Variants in QTGAL observed in about 807,000 individuals in gnomAD.
QTGAL encodes the protein queuosine-tRNA galactosyltransferase, also known as BGnT-like protein 1.
At chr17:83,050,109 G>A in the QTGAL span, among the ~76,000 whole-genome samples, 6 of 152,160 alleles carry the variant, frequency 3.9e-5, no homozygotes, top group African/African-American at 9.7e-5. Flanking sequence ...GGTAGCTCAC[G>A]CCTGTAATCA....
At chr17:83,021,791 T>A in the QTGAL span, among the ~76,000 whole-genome samples, 1 of 152,250 alleles carries the variant, frequency 6.6e-6, no homozygotes, top group Non-Finnish European at 1.5e-5. Flanking sequence ...GCTTTATTAC[T>A]GCAGCTGCTA....
the QTGAL span, among the ~76,000 whole-genome samples, chr17:83,033,542 G>C: frequency 2.0e-5 from 3 of 151,334 alleles, no homozygotes; most frequent in Non-Finnish European, 4.4e-5. Flanking sequence ...CGTGATCTCG[G>C]CTCACTGCAA....
chr17:82,954,319 C>G, the QTGAL span, among the ~76,000 whole-genome samples: 7 of 152,038 alleles, frequency 4.6e-5, no homozygotes, highest in Non-Finnish European at 8.8e-5. Context: ...AATCGATGTG[C>G]AAAAATCACG....
At chr17:82,946,900 C>T in the QTGAL span, 1 of 1,561,780 alleles carries the variant, frequency 6.4e-7, no homozygotes, top group Non-Finnish European at 8.7e-7. Context: ...TGCCATGGGT[C>T]CGTCAGCTGA....
the QTGAL span, chr17:83,035,122 A>T: frequency 6.3e-7 from 1 of 1,593,202 alleles, no homozygotes; most frequent in East Asian, 2.2e-5. Flanking sequence ...GAAGAGCAAA[A>T]CTCTTTTATA....
chr17:83,022,335 A>G, the QTGAL span, among the ~76,000 whole-genome samples: 2 of 132,546 alleles, frequency 1.5e-5, no homozygotes, highest in African/African-American at 5.7e-5. Flanking sequence ...TCCCCGGCCC[A>G]CCTGCACCAG....
chr17:82,963,428 C>T, the QTGAL span, among the ~76,000 whole-genome samples: 2 of 152,282 alleles, frequency 1.3e-5, no homozygotes, highest in South Asian at 2.1e-4. Flanking sequence ...GTCCGCGGAA[C>T]GCAGGGACAT....
the QTGAL span, among the ~76,000 whole-genome samples, chr17:82,975,774 C>T: frequency 1.0e-5 from 1 of 97,490 alleles, no homozygotes; most frequent in Non-Finnish European, 2.0e-5. Context: ...CTATGGGGAA[C>T]GAGGGCCCCG....
the QTGAL span, among the ~76,000 whole-genome samples, chr17:83,002,159 A>G: frequency 6.6e-6 from 1 of 152,024 alleles, no homozygotes; most frequent in Non-Finnish European, 1.5e-5. Flanking sequence ...ACATTGATTC[A>G]TTTTAATTAA....
the QTGAL span, among the ~76,000 whole-genome samples, chr17:83,015,871 A>C: frequency 3.3e-5 from 5 of 152,198 alleles, no homozygotes; most frequent in African/African-American, 1.2e-4. The surrounding 1 kb of genome is among the most constrained non-coding windows in gnomAD (Gnocchi z 4.4). Flanking sequence ...ACGCCCCCCC[A>C]CCATCGGTCT....
chr17:83,002,590 A>C, the QTGAL span, among the ~76,000 whole-genome samples: 15 of 152,144 alleles, frequency 9.9e-5, no homozygotes, highest in Non-Finnish European at 2.1e-4. Flanking sequence ...AGGGGCAGCC[A>C]AGGGCCCCAC....
the QTGAL span, among the ~76,000 whole-genome samples, chr17:83,047,977 C>G: frequency 6.6e-6 from 1 of 151,954 alleles, no homozygotes; most frequent in Non-Finnish European, 1.5e-5. Context: ...CTTTCATTTT[C>G]TCTCCCTCTC....
At chr17:83,001,785 TC>T in the QTGAL span, among the ~76,000 whole-genome samples, 3 of 152,208 alleles carry the variant, frequency 2.0e-5, no homozygotes, top group Admixed American at 6.5e-5. Flanking sequence ...TTTTTCTTTT[TC>T]TTTTTTTGAG....
chr17:82,959,516 C>T, the QTGAL span, among the ~76,000 whole-genome samples: 19 of 151,884 alleles, frequency 1.3e-4, no homozygotes, highest in African/African-American at 3.9e-4. Flanking sequence ...CAGACGGCTG[C>T]GGGGACTTCC....
the QTGAL span, among the ~76,000 whole-genome samples, chr17:83,013,445 A>G: frequency 1.2e-5 from 1 of 86,392 alleles, no homozygotes; most frequent in Non-Finnish European, 2.3e-5. Context: ...CCCCCTCCCA[A>G]CCCCCTCTGG....
At chr17:83,039,132 A>G in the QTGAL span, among the ~76,000 whole-genome samples, 1 of 152,122 alleles carries the variant, frequency 6.6e-6, no homozygotes, top group Non-Finnish European at 1.5e-5. Context: ...ATCCCAGGGC[A>G]GAACAGGCAC....
At chr17:82,965,427 G>A in the QTGAL span, among the ~76,000 whole-genome samples, 33 of 151,412 alleles carry the variant, frequency 2.2e-4, no homozygotes, top group African/African-American at 6.1e-4. Context: ...GATGCCCAGG[G>A]CACCCACAGC....
chr17:83,019,957 C>A, the QTGAL span, among the ~76,000 whole-genome samples: 5 of 152,270 alleles, frequency 3.3e-5, no homozygotes, highest in Admixed American at 6.5e-5. Context: ...TGGTCTCAAA[C>A]TCCTGACCTT....
the QTGAL span, among the ~76,000 whole-genome samples, chr17:82,973,132 C>G: frequency 6.6e-6 from 1 of 152,204 alleles, no homozygotes; most frequent in Non-Finnish European, 1.5e-5. Context: ...GCCTGGGGCT[C>G]ACACAGGACA....
Sources: gnomAD v4.1 joint callset for allele counts (sites outside exome capture counted in the v4.1 genomes callset) on GRCh38, gnomAD v4.1.1 for gene constraint, Gnocchi (gnomAD v3.1) non-coding constraint, MANE v1.5 for transcripts, NCBI Gene and HGNC (gene_info 2026-07-23, HGNC 2026-07-21) for gene names.